Variants in NFIC observed in about 807,000 individuals in gnomAD.
NFIC encodes nuclear factor 1 C-type.
A neutral mutation model predicts 54.4 loss-of-function variants in NFIC; 12 were observed. That is an observed-to-expected ratio of 0.22 (90% confidence interval 0.14 to 0.36). The LOEUF (loss-of-function observed/expected upper bound fraction) is 0.36. Ranked by LOEUF, NFIC falls within the 10% of genes least tolerant of loss-of-function variation. NFIC has a pLI of 1.00. For missense variants in NFIC, 575 were observed against 718.2 expected, an observed-to-expected ratio of 0.80 and a Z score of 2.28; for synonymous variants, 322 against 319.2, an observed-to-expected ratio of 1.01 and a Z score of -0.09.
At chr19:3,437,672 C>T (rs1349837299) in intron 6 of NFIC, among the ~76,000 whole-genome samples, 10 of 144,928 alleles carry the variant, frequency 6.9e-5, no homozygotes, top group Non-Finnish European at 1.2e-4. Context: ...ACTTCTGTTT[C>T]GTTTTTTTTG....
At chr19:3,456,737 C>A in intron 10 of NFIC, 102 bp downstream of exon 10, 1 of 1,181,678 alleles carries the variant, frequency 8.5e-7, no homozygotes, top group Non-Finnish European at 1.2e-6. Context: ...CACGCCACAC[C>A]CCTGGCACAG....
chr19:3,464,636 T>G lies in NFIC; in HGVS notation c.*1867T>G, dbSNP rs565475962. On this transcript the variant is annotated 3_prime_UTR_variant, in exon 11 of 11. Transcript: ENST00000443272. ...CCAGGGCAGGTCTCCGGGTCTCACC[T>G]GCTCCTAGCCTCACCCCCCTGCCCC... The G allele has an allele frequency of 1.1e-4, 108 of 962,798 alleles. No homozygotes were observed. The South Asian group carries it at 4.7e-3, about 42-fold the overall frequency. The allele number at this position is 962,798 out of a possible 1,614,324, so 59.6% of individuals were successfully genotyped here.
chr19:3,411,524 C>T (rs2081760138), intron 2 of NFIC, among the ~76,000 whole-genome samples: 1 of 151,852 alleles, frequency 6.6e-6, no homozygotes, highest in Non-Finnish European at 1.5e-5. Flanking sequence ...GACCAGGTTT[C>T]ACCGTGTCGG....
rs977209225 is a variant in NFIC at position 3,375,628 on chromosome 19, G to T, written c.31-6084G>T. Among the ~76,000 whole-genome samples the T allele has an allele frequency of 6.6e-6, 1 of 152,212 alleles. No individual in the cohort carries two copies. The highest frequency in any genetic ancestry group is 2.4e-5 in the African/African-American group (1 of 41,462). The stretch of plus-strand genomic sequence containing the variant: ...CGCCGCAGCTGTTACGGTGACTCAC[G>T]CTTTGGGGGACATTGGGGTGGGGGA... On this transcript the variant is annotated intron_variant, in intron 1 of 10. Coordinates refer to ENST00000443272, the MANE Select transcript of NFIC (RefSeq NM_001245002.2). This position sits in a 1 kb window ranked among gnomAD's most constrained non-coding sequence, Gnocchi z 4.6.
intron 6 of NFIC, among the ~76,000 whole-genome samples, chr19:3,438,000 C>T (rs2082232144): frequency 6.6e-6 from 1 of 152,048 alleles, no homozygotes; most frequent in Admixed American, 6.6e-5. Flanking sequence ...CCAGCCGTGA[C>T]TTCTCATTAA....
Position 3,407,095 on chromosome 19 carries a change from T to G in NFIC, c.563-18011T>G, listed in dbSNP as rs953385244. On this transcript the variant is annotated intron_variant, in intron 2 of 10. Coordinates refer to ENST00000443272, the MANE Select transcript of NFIC (RefSeq NM_001245002.2). ...GGGAGATGGGGAGAACTTGGACTTTTAGATATTTGGTTTTCTGTTTTTTGT... is the reference window on the plus strand; with the variant it reads ...GGGAGATGGGGAGAACTTGGACTTTGAGATATTTGGTTTTCTGTTTTTTGT... 7.9e-5 allele frequency among the ~76,000 whole-genome samples: 12 copies of G among 152,176 alleles called. No homozygotes were observed. The South Asian group carries it at 2.3e-3, about 29-fold the overall frequency.
intron 2 of NFIC, among the ~76,000 whole-genome samples, chr19:3,409,668 G>A (rs1481814311): frequency 2.0e-5 from 3 of 152,200 alleles, no homozygotes; most frequent in African/African-American, 7.2e-5. Context: ...GAAGGGTGGG[G>A]CCAGAGCCCA....
chr19:3,429,261 C>A lies in NFIC; in HGVS notation c.634+4084C>A, dbSNP rs1457679651. 2.4e-3 allele frequency among the ~76,000 whole-genome samples: 241 copies of A among 101,590 alleles called. 25 individuals carry two copies. The highest frequency in any genetic ancestry group is 0.011 in the African/African-American group (220 of 20,732). The allele number at this position is 101,590 out of a possible 152,430, so 66.6% of individuals were successfully genotyped here. On this transcript the variant is annotated intron_variant, in intron 3 of 10. Transcript: ENST00000443272. ...AAAAAAAAAAAAATATATACACACA[C>A]ACACACACACACACACACACACACA...
intron 1 of NFIC, among the ~76,000 whole-genome samples, chr19:3,376,724 T>TATTC (rs914954556): frequency 1.3e-5 from 2 of 151,934 alleles, no homozygotes; most frequent in Admixed American, 6.6e-5. Flanking sequence ...CTGTCTTTTT[T>TATTC]ATTTATTTAT....
At chr19:3,438,662 C>T (rs1250192120) in intron 6 of NFIC, among the ~76,000 whole-genome samples, 3 of 152,002 alleles carry the variant, frequency 2.0e-5, no homozygotes, top group Non-Finnish European at 4.4e-5. Flanking sequence ...TGGTCTCGAT[C>T]TCCTGACCTC....
At chr19:3,402,445 C>G (rs552097650) in intron 2 of NFIC, among the ~76,000 whole-genome samples, 1 of 152,184 alleles carries the variant, frequency 6.6e-6, no homozygotes. Context: ...TCTCAACTTT[C>G]TTTCTACAAA....
rs376017239 is a variant in NFIC at position 3,414,739 on chromosome 19, A to C, written c.563-10367A>C. On this transcript the variant is annotated intron_variant, in intron 2 of 10. Coordinates refer to ENST00000443272, the MANE Select transcript of NFIC (RefSeq NM_001245002.2). ...TGTCAGAACCCACGAACTGATTCCA[A>C]AACCCTCCACAGAGAATCTAAAATG... Among the ~76,000 whole-genome samples, 21 of 152,294 alleles carry C rather than the reference A, an allele frequency of 1.4e-4. No individual in the cohort carries two copies. In the South Asian group the frequency reaches 4.4e-3, roughly 32 times the overall value.
intron 10 of NFIC, 148 bp downstream of exon 10, chr19:3,456,783 GC>G: frequency 1.3e-6 from 1 of 774,516 alleles, no homozygotes; most frequent in Admixed American, 2.3e-5. Flanking sequence ...TGGGCCTCGA[GC>G]CCCCACCTGG....
chr19:3,427,348 ACCT>A (rs1362813292), intron 3 of NFIC, among the ~76,000 whole-genome samples: 24 of 151,832 alleles, frequency 1.6e-4, no homozygotes, highest in African/African-American at 5.1e-4. Flanking sequence ...GTGGAATGTC[ACCT>A]CCTCCAGGGC....
At chr19:3,392,247 T>C (rs2081387829) in intron 2 of NFIC, among the ~76,000 whole-genome samples, 1 of 152,010 alleles carries the variant, frequency 6.6e-6, no homozygotes, top group African/African-American at 2.4e-5. Flanking sequence ...AATTGTGGTA[T>C]TTTTAGTAGA....
At position 3,458,678 on chromosome 19, in the gene NFIC, G is replaced by A. The variant is rs1339701905; in HGVS notation, c.1509+2043G>A. 6.6e-6 allele frequency among the ~76,000 whole-genome samples: 1 copy of A among 151,944 alleles called. No individual in the cohort carries two copies. Among genetic ancestry groups the A allele is most frequent in the African/African-American group, 2.4e-5 (1 of 41,336 alleles). On this transcript the variant is annotated intron_variant, in intron 10 of 10. Coordinates refer to ENST00000443272, the MANE Select transcript of NFIC (RefSeq NM_001245002.2). The surrounding 1 kb of genome is among the most constrained non-coding windows in gnomAD (Gnocchi z 4.1). ...CTCAGCATAGGCAATGGTGTGGGTC[G>A]GGGGAGGGGGAGCTGGCTGGAATGT...
chr19:3,407,244 GCTGGGA>G (rs2081666776), intron 2 of NFIC, among the ~76,000 whole-genome samples: 1 of 149,664 alleles, frequency 6.7e-6, no homozygotes, highest in African/African-American at 2.5e-5. Context: ...CTCCCGAGTA[GCTGGGA>G]CTACAGGCGC....
intron 1 of NFIC, among the ~76,000 whole-genome samples, chr19:3,367,283 C>G (rs918816334): frequency 6.6e-6 from 1 of 152,100 alleles, no homozygotes; most frequent in Non-Finnish European, 1.5e-5. Context: ...GGTGCTCCGG[C>G]GGCCCGGCTG....
chr19:3,389,952 C>T (rs1037627064), intron 2 of NFIC, among the ~76,000 whole-genome samples: 2 of 152,174 alleles, frequency 1.3e-5, no homozygotes, highest in Non-Finnish European at 2.9e-5. Context: ...CCATTGCGCT[C>T]CAGCCTGGGC....
Sources: allele counts gnomAD v4.1 joint callset (sites outside exome capture counted in the v4.1 genomes callset), GRCh38; gene constraint gnomAD v4.1.1; non-coding constraint Gnocchi (gnomAD v3.1); transcripts MANE v1.5; gene names NCBI Gene and HGNC (gene_info 2026-07-23, HGNC 2026-07-21).